The following PTPRD variants were observed in gnomAD, a reference collection of about 807,000 sequenced individuals.
PTPRD encodes the protein receptor-type tyrosine-protein phosphatase delta.
A neutral mutation model predicts 214.5 loss-of-function variants in PTPRD; 34 were observed. The ratio of observed to expected loss-of-function variants is 0.16; its 90% CI spans 0.12 to 0.21. The LOEUF is 0.21. Among genes scored for constraint, PTPRD ranks in the 10% least tolerant of loss-of-function variants. The probability of loss-of-function intolerance (pLI) is 1.00; values close to 1 mark genes in which losing one functional copy is unlikely to be tolerated. For missense variants in PTPRD, 2,545 were observed against 2,398.7 expected (o/e 1.06, Z -1.27); for synonymous variants, 1,128 against 845.7 (o/e 1.33, Z -5.79).
intron 7 of PTPRD, among the ~76,000 whole-genome samples, chr9:9,697,137 G>T (rs1378756293): frequency 6.6e-6 from 1 of 152,138 alleles, no homozygotes. Flanking sequence ...TATAGTGCCT[G>T]TCTCTTAAGT....
At position 9,779,078 on chromosome 9, in the gene PTPRD, C is replaced by CAAAAAAAAAAAAA. The variant is rs869120926; in HGVS notation, c.-367-12240_-367-12228dup. Among the ~76,000 whole-genome samples the CAAAAAAAAAAAAA allele has an allele frequency of 2.0e-3, 91 of 45,474 alleles. 15 individuals are homozygous for CAAAAAAAAAAAAA. Among genetic ancestry groups the CAAAAAAAAAAAAA allele is most frequent in the African/African-American group, 2.9e-3 (33 of 11,272 alleles). The allele number at this position is 45,474 out of a possible 152,430, so 29.8% of individuals were successfully genotyped here. A position where few individuals can be genotyped will look rare whatever the true frequency, so the allele number is the denominator to read the frequency against. On this transcript the variant is annotated intron_variant, in intron 5 of 45. Transcript: ENST00000381196. ...GCCATGTGATCTTTCATAAGACTGA[C>CAAAAAAAAAAAAA]AAAAAAAAAAAAAAAAAAAAAAAAA...
At chr9:10,241,105 C>G (rs79811979) in intron 3 of PTPRD, among the ~76,000 whole-genome samples, 1 of 151,448 alleles carries the variant, frequency 6.6e-6, no homozygotes, top group African/African-American at 2.4e-5. Context: ...AGATGCTCAA[C>G]ATCATTAACT....
intron 4 of PTPRD, among the ~76,000 whole-genome samples, chr9:9,995,456 G>C (rs1399595321): frequency 6.6e-6 from 1 of 152,128 alleles, no homozygotes; most frequent in Admixed American, 6.5e-5. Context: ...AGAGATAAAA[G>C]TTTATAAATC....
chr9:9,614,359 A>C (rs536550436), intron 7 of PTPRD, among the ~76,000 whole-genome samples: 106 of 152,304 alleles, frequency 7.0e-4, no homozygotes, highest in Non-Finnish European at 1.2e-3. Flanking sequence ...CATGATCAGC[A>C]TAGTAATTTT....
rs1266334014 is a variant in PTPRD at position 8,868,484 on chromosome 9, A to G, written c.-103-134538T>C. 3.9e-5 allele frequency among the ~76,000 whole-genome samples: 6 copies of G among 152,178 alleles called. No individual in the cohort carries two copies. In the East Asian group the frequency reaches 1.2e-3, roughly 30 times the overall value. Reference sequence around the variant, plus strand: ...CTCCCAAAGTGCTGGGATTACAGGCATGAGCCACTGTGCCCAGCCTAGCAT... The same window carrying G: ...CTCCCAAAGTGCTGGGATTACAGGCGTGAGCCACTGTGCCCAGCCTAGCAT... On this transcript the variant is annotated intron_variant, in intron 11 of 45. Coordinates refer to ENST00000381196, the MANE Select transcript of PTPRD (RefSeq NM_002839.4).
intron 3 of PTPRD, among the ~76,000 whole-genome samples, chr9:10,320,199 A>T (rs2096528906): frequency 6.6e-6 from 1 of 152,060 alleles, no homozygotes; most frequent in Non-Finnish European, 1.5e-5. Context: ...TAATGATTCC[A>T]GTTACACATG....
intron 3 of PTPRD, among the ~76,000 whole-genome samples, chr9:10,036,894 T>TTATGTATTTATG (rs1180605872): frequency 3.6e-4 from 52 of 145,454 alleles, no homozygotes; most frequent in Non-Finnish European, 2.7e-4. Flanking sequence ...ATTTATTTAT[T>TTATGTATTTATG]TATTTATTTA....
chr9:8,603,381 G>A (rs957038323), intron 14 of PTPRD, among the ~76,000 whole-genome samples: 1 of 152,166 alleles, frequency 6.6e-6, no homozygotes, highest in African/African-American at 2.4e-5. Context: ...CTCTTGGTGT[G>A]AGTAGAAAGG....
chr9:8,338,655 C>G (rs1420343205), intron 43 of PTPRD, among the ~76,000 whole-genome samples: 1 of 151,988 alleles, frequency 6.6e-6, no homozygotes, highest in Non-Finnish European at 1.5e-5. Context: ...CTTCCCAGCA[C>G]GAACACTCAC....
intron 3 of PTPRD, among the ~76,000 whole-genome samples, chr9:10,196,790 C>T (rs2099400050): frequency 6.6e-6 from 1 of 152,000 alleles, no homozygotes; most frequent in Admixed American, 6.6e-5. Flanking sequence ...AGCATCCTAA[C>T]CTGTAAAGTG....
chr9:9,218,857 G>C (rs1024918797), intron 9 of PTPRD, among the ~76,000 whole-genome samples: 2 of 152,108 alleles, frequency 1.3e-5, no homozygotes, highest in African/African-American at 4.8e-5. Flanking sequence ...ACATTCTCCA[G>C]AGGCAACACT....
chr9:8,965,887 C>G (rs979278027), intron 11 of PTPRD, among the ~76,000 whole-genome samples: 2 of 151,980 alleles, frequency 1.3e-5, no homozygotes, highest in Non-Finnish European at 2.9e-5. Flanking sequence ...AGTTAGAAAA[C>G]CCTAAGGACT....
intron 7 of PTPRD, among the ~76,000 whole-genome samples, chr9:9,615,781 G>C (rs1212030462): frequency 1.3e-5 from 2 of 152,086 alleles, no homozygotes; most frequent in Admixed American, 6.5e-5. Flanking sequence ...ATCTTATAAA[G>C]TGAGTATTAT....
At chr9:10,597,699 T>G (rs1424699257) in intron 2 of PTPRD, among the ~76,000 whole-genome samples, 1 of 151,784 alleles carries the variant, frequency 6.6e-6, no homozygotes, top group Non-Finnish European at 1.5e-5. Flanking sequence ...AGTCCCAGAT[T>G]TAGGAATATC....
At chr9:8,387,091 G>A (rs867711560) in intron 37 of PTPRD, among the ~76,000 whole-genome samples, 98 of 152,264 alleles carry the variant, frequency 6.4e-4, no homozygotes, top group African/African-American at 2.2e-3. Context: ...AACCACCACA[G>A]AATAAAAATC....
intron 3 of PTPRD, among the ~76,000 whole-genome samples, chr9:10,320,856 T>A (rs2096540670): frequency 6.6e-6 from 1 of 151,920 alleles, no homozygotes; most frequent in African/African-American, 2.4e-5. Context: ...GCCTCCCGAG[T>A]AGCTGGGATT....
rs1203860403 is a variant in PTPRD, at chr9:8,353,822, A to ATGTATATATGTATATATG, written c.4662-11862_4662-11845dup. ...GAGACTCCTTCTCAAAAAAAAATAT[A>ATGTATATATGTATATATG]TGTATATATGTATATATGTATATAT... is the stretch of plus-strand genomic sequence containing the variant. On this transcript the variant is annotated intron_variant, in intron 39 of 45. Coordinates refer to ENST00000381196, the MANE Select transcript of PTPRD (RefSeq NM_002839.4). 5.0e-3 allele frequency among the ~76,000 whole-genome samples: 46 copies of ATGTATATATGTATATATG among 9,172 alleles called. 5 individuals are homozygous for ATGTATATATGTATATATG. The highest frequency in any genetic ancestry group is 0.021 in the African/African-American group (46 of 2,234). 6.0% of individuals were successfully genotyped at this position (9,172 alleles called of 152,430 possible). A position where few individuals can be genotyped will look rare whatever the true frequency, so the allele number is the denominator to read the frequency against.
chr9:10,040,734 A>G (rs1179138867), intron 3 of PTPRD, among the ~76,000 whole-genome samples: 3 of 152,214 alleles, frequency 2.0e-5, no homozygotes, highest in South Asian at 4.1e-4. Context: ...AGAAACAATG[A>G]AAGAATCTAG....
intron 2 of PTPRD, among the ~76,000 whole-genome samples, chr9:10,400,835 G>C (rs2098257955): frequency 6.6e-6 from 1 of 151,418 alleles, no homozygotes; most frequent in South Asian, 2.1e-4. Context: ...GGAGCTAAAA[G>C]TGCATTCAGT....
Sources: allele counts gnomAD v4.1 joint callset (sites outside exome capture counted in the v4.1 genomes callset), GRCh38; gene constraint gnomAD v4.1.1; transcripts MANE v1.5; gene names NCBI Gene and HGNC (gene_info 2026-07-23, HGNC 2026-07-21).